EEF2K: variants seen among roughly 807,000 people sequenced by gnomAD.
EEF2K encodes eukaryotic elongation factor 2 kinase.
A neutral mutation model predicts 93.8 loss-of-function variants in EEF2K; 70 were observed. The ratio of observed to expected loss-of-function variants is 0.75; its 90% confidence interval spans 0.62 to 0.91. The LOEUF is 0.91. Among genes scored for constraint, EEF2K ranks in the 40% least tolerant of loss-of-function variants. The pLI, the probability that EEF2K is intolerant of heterozygous loss-of-function variation, is 0.00. For synonymous variants in EEF2K, 376 were observed against 380.8 expected (o/e 0.99, Z 0.15); for missense variants, 935 against 972.9 (o/e 0.96, Z 0.52).
Position 22,233,038 on chromosome 16 carries a change from G to A in EEF2K, c.246+7063G>A, listed in dbSNP as rs560887321. ...AGCCCAGCCTTCTGCCCAAGCTCCC[G>A]TGGAGACGTGGCAGAACCATTCAGG... On this transcript the variant is annotated intron_variant, in intron 2 of 17. Coordinates refer to ENST00000263026, the MANE Select transcript of EEF2K (RefSeq NM_013302.5). 8.5e-5 allele frequency among the ~76,000 whole-genome samples: 13 copies of A among 152,316 alleles called. No homozygotes were observed. The South Asian group carries it at 1.2e-3, about 15-fold the overall frequency.
At chr16:22,218,490 C>A (rs1388182659) in intron 1 of EEF2K, among the ~76,000 whole-genome samples, 1 of 152,164 alleles carries the variant, frequency 6.6e-6, no homozygotes. Flanking sequence ...TGTGGCTTGA[C>A]CCGCAGGCCT....
intron 6 of EEF2K, among the ~76,000 whole-genome samples, chr16:22,255,826 C>T (rs1014638524): frequency 6.6e-6 from 1 of 152,044 alleles, no homozygotes. Flanking sequence ...GGGAGGATCA[C>T]TTGAGCCCAG....
intron 2 of EEF2K, among the ~76,000 whole-genome samples, chr16:22,233,873 TC>T (rs2047140782): frequency 6.6e-6 from 1 of 152,116 alleles, no homozygotes; most frequent in Non-Finnish European, 1.5e-5. Flanking sequence ...CACCTCAGCC[TC>T]CCGAGTAGCT....
At position 22,217,721 on chromosome 16, in the gene EEF2K, G is replaced by A. The variant is rs532429409; in HGVS notation, c.-76-7933G>A. The stretch of plus-strand genomic sequence containing the variant: ...ACCTGCCTTGGCCTTCCAAAGTGTT[G>A]AGATTACAGGCGTGAGCCACCGTGC... On this transcript the variant is annotated intron_variant, in intron 1 of 17. Coordinates refer to ENST00000263026, the MANE Select transcript of EEF2K (RefSeq NM_013302.5). 2.0e-5 allele frequency among the ~76,000 whole-genome samples: 3 copies of A among 152,238 alleles called. No individual in the cohort carries two copies. The South Asian group carries it at 6.2e-4, about 32-fold the overall frequency.
chr16:22,240,774 ATT>A (rs2047213972), intron 2 of EEF2K, among the ~76,000 whole-genome samples: 1 of 151,792 alleles, frequency 6.6e-6, no homozygotes, highest in Admixed American at 6.6e-5. Flanking sequence ...ATTTTGTTTT[ATT>A]TTTATTTTTT....
chr16:22,247,323 C>T (rs1010170628), intron 3 of EEF2K, among the ~76,000 whole-genome samples: 5 of 151,690 alleles, frequency 3.3e-5, no homozygotes, highest in African/African-American at 1.2e-4. Context: ...GCAGGCACAC[C>T]TGTAATCCCA....
intron 2 of EEF2K, among the ~76,000 whole-genome samples, chr16:22,232,698 C>G (rs554553958): frequency 1.3e-5 from 2 of 152,272 alleles, no homozygotes; most frequent in South Asian, 4.1e-4. Context: ...TCCCTTGGTC[C>G]TGCGTAGTAG....
intron 2 of EEF2K, among the ~76,000 whole-genome samples, chr16:22,231,583 GTTACACA>G (rs1197948495): frequency 6.6e-6 from 1 of 152,074 alleles, no homozygotes; most frequent in African/African-American, 2.4e-5. Flanking sequence ...AACTTTTAAA[GTTACACA>G]TATGTATCAC....
At chr16:22,233,607 A>C (rs1460652114) in intron 2 of EEF2K, among the ~76,000 whole-genome samples, 1 of 152,038 alleles carries the variant, frequency 6.6e-6, no homozygotes, top group Non-Finnish European at 1.5e-5. Context: ...GAATCACTTG[A>C]ACCTGGGAGG....
At position 22,284,084 on chromosome 16, in the gene EEF2K, G is replaced by T. The variant is rs2047728149; in HGVS notation, c.*88G>T. 8.5e-7 allele frequency: 1 copy of T among 1,182,440 alleles called. No individual in the cohort carries two copies. The highest frequency in any genetic ancestry group is 1.6e-5 in the African/African-American group (1 of 64,216). The allele number at this position is 1,182,440 out of a possible 1,614,324, so 73.2% of individuals were successfully genotyped here. A position where few individuals can be genotyped will look rare whatever the true frequency, so the allele number is the denominator to read the frequency against. On this transcript the variant is annotated 3_prime_UTR_variant, in exon 18 of 18. Transcript: ENST00000263026. ...ACAACAACAACTTATTTAGTTTGGG[G>T]AGGGGAAGCATTTTTAAGTGTGTTG...
rs755812932 is a variant in EEF2K at position 22,244,307 on chromosome 16, G to GTGTA, written c.247-321_247-318dup. Among the ~76,000 whole-genome samples the GTGTA allele has an allele frequency of 1.5e-4, 22 of 142,984 alleles. No homozygotes were observed. The East Asian group carries it at 4.0e-3, about 26-fold the overall frequency. 93.8% of individuals were successfully genotyped at this position (142,984 alleles called of 152,430 possible). ...TGTGTGTGTGTGTGTGTGTGTGTGT[G>GTGTA]TGTATATCCTATATAATATATATAT... On this transcript the variant is annotated intron_variant, in intron 2 of 17. Transcript: ENST00000263026.
chr16:22,240,511 G>A (rs1344349051), intron 2 of EEF2K, among the ~76,000 whole-genome samples: 1 of 152,150 alleles, frequency 6.6e-6, no homozygotes, highest in Non-Finnish European at 1.5e-5. Context: ...CCAAGATTTG[G>A]ATAGGAAGAT....
At chr16:22,279,028 C>T (rs1288203246) in intron 16 of EEF2K, among the ~76,000 whole-genome samples, 1 of 152,054 alleles carries the variant, frequency 6.6e-6, no homozygotes, top group African/African-American at 2.4e-5. Context: ...CAGAGGACCC[C>T]GCCCCCAATC....
chr16:22,215,528 TA>T (rs1448352602), intron 1 of EEF2K, among the ~76,000 whole-genome samples: 1 of 152,194 alleles, frequency 6.6e-6, no homozygotes, highest in Non-Finnish European at 1.5e-5. Flanking sequence ...AATAAATGTT[TA>T]TGAGCACCCA....
intron 16 of EEF2K, among the ~76,000 whole-genome samples, chr16:22,274,372 A>C (rs1342137327): frequency 6.8e-6 from 1 of 146,748 alleles, no homozygotes; most frequent in Non-Finnish European, 1.5e-5. Flanking sequence ...TGAACCCGGG[A>C]GGCGGAGATT....
chr16:22,220,788 C>G (rs1373376625), intron 1 of EEF2K, among the ~76,000 whole-genome samples: 1 of 152,222 alleles, frequency 6.6e-6, no homozygotes, highest in Non-Finnish European at 1.5e-5. Flanking sequence ...GTCTGGAGGT[C>G]TGCAGCTTGG....
At chr16:22,257,016 C>A (rs2047408472) in intron 7 of EEF2K, 119 bp downstream of exon 7, 2 of 1,476,602 alleles carry the variant, frequency 1.4e-6, no homozygotes, top group Admixed American at 2.2e-5. Flanking sequence ...CCCAGAGAAG[C>A]CTCTTGGAGC....
chr16:22,274,650 C>G (rs911198531), intron 16 of EEF2K, among the ~76,000 whole-genome samples: 2 of 152,108 alleles, frequency 1.3e-5, no homozygotes, highest in Non-Finnish European at 1.5e-5. Flanking sequence ...CTCTGTCACC[C>G]AGGCTGGAGG....
intron 1 of EEF2K, among the ~76,000 whole-genome samples, chr16:22,218,072 C>T (rs1227039582): frequency 6.6e-6 from 1 of 152,188 alleles, no homozygotes; most frequent in Non-Finnish European, 1.5e-5. Context: ...GCAAAAAGCC[C>T]CAGGTTTGCT....
Sources: allele counts gnomAD v4.1 joint callset (sites outside exome capture counted in the v4.1 genomes callset), GRCh38; gene constraint gnomAD v4.1.1; transcripts MANE v1.5; gene names NCBI Gene and HGNC (gene_info 2026-07-23, HGNC 2026-07-21).